CTNNA1: variants seen among roughly 807,000 people sequenced by gnomAD.
CTNNA1 encodes catenin alpha 1.
CTNNA1 carries 37 observed loss-of-function variants against 98.4 expected under a neutral mutation model. The ratio of observed to expected loss-of-function variants is 0.38; its 90% CI spans 0.29 to 0.49. CTNNA1 has a LOEUF of 0.49. Ranked by LOEUF, CTNNA1 falls within the 20% of genes least tolerant of loss-of-function variation. The probability of loss-of-function intolerance (pLI) is 0.95; values close to 1 mark genes in which losing one functional copy is unlikely to be tolerated. For synonymous variants in CTNNA1, 404 were observed against 413.2 expected, an observed-to-expected ratio of 0.98 and a Z score of 0.27; for missense variants, 761 against 1,147.2, an observed-to-expected ratio of 0.66 and a Z score of 4.86.
chr5:138,810,733 C>T (rs915942775), intron 4 of CTNNA1, among the ~76,000 whole-genome samples: 2 of 152,184 alleles, frequency 1.3e-5, no homozygotes, highest in African/African-American at 2.4e-5. Flanking sequence ...CAATCTTTTC[C>T]CCACCTTTCC....
At chr5:138,932,481 A>G in intron 16 of CTNNA1, 97 bp from the exon 17 acceptor site, 1 of 1,523,658 alleles carries the variant, frequency 6.6e-7, no homozygotes, top group Non-Finnish European at 8.8e-7. Context: ...GAGAGGAAGC[A>G]TGTGAGTGCC....
intron 7 of CTNNA1, among the ~76,000 whole-genome samples, chr5:138,844,611 A>G (rs1762543766): frequency 6.6e-6 from 1 of 152,188 alleles, no homozygotes; most frequent in Admixed American, 6.5e-5. Context: ...GTTTGACTCT[A>G]AATCTACCAT....
At chr5:138,882,643 A>G (rs912931957) in intron 7 of CTNNA1, among the ~76,000 whole-genome samples, 2 of 152,220 alleles carry the variant, frequency 1.3e-5, no homozygotes, top group Admixed American at 6.5e-5. Flanking sequence ...TGCCAGGAAC[A>G]TATTTCATCC....
intron 1 of CTNNA1, among the ~76,000 whole-genome samples, chr5:138,765,413 C>T (rs1000933650): frequency 6.6e-6 from 1 of 152,046 alleles, no homozygotes; most frequent in Non-Finnish European, 1.5e-5. Context: ...AACTCCTGAC[C>T]TCAAGTGATC....
At chr5:138,857,487 A>AT (rs1561600356) in intron 7 of CTNNA1, among the ~76,000 whole-genome samples, 21 of 151,314 alleles carry the variant, frequency 1.4e-4, no homozygotes, top group African/African-American at 4.9e-4. Flanking sequence ...TAAAAAAAAA[A>AT]ATTTTTTTAA....
chr5:138,789,859 C>T (rs930530571), intron 3 of CTNNA1, among the ~76,000 whole-genome samples: 11 of 152,218 alleles, frequency 7.2e-5, no homozygotes, highest in African/African-American at 2.2e-4. Flanking sequence ...TATCAAGTGA[C>T]ACAGGACTCA....
At chr5:138,905,915 A>C (rs1400277032) in intron 10 of CTNNA1, among the ~76,000 whole-genome samples, 5 of 152,274 alleles carry the variant, frequency 3.3e-5, no homozygotes, top group Admixed American at 1.3e-4. Flanking sequence ...CCTCAAATAA[A>C]GGAGAGTAAG....
intron 1 of CTNNA1, among the ~76,000 whole-genome samples, chr5:138,758,020 T>C (rs751954961): frequency 2.0e-5 from 3 of 152,022 alleles, no homozygotes; most frequent in Non-Finnish European, 4.4e-5. Flanking sequence ...TTTCTTTTTT[T>C]TTTGAGATGG....
In CTNNA1 at chr5:138,909,717, C is replaced by T. The variant is rs1760121689; in HGVS notation, c.1389+5276C>T. The stretch of plus-strand genomic sequence containing the variant: ...ATTGTTCATTCTTCCTTCTGCCTCC[C>T]TAGATTTATCTTCCATATTGCTTCT... On this transcript the variant is annotated intron_variant, in intron 10 of 17. Coordinates refer to ENST00000302763, the MANE Select transcript of CTNNA1 (RefSeq NM_001903.5). Among the ~76,000 whole-genome samples, 3 of 152,238 alleles carry T rather than the reference C, an allele frequency of 2.0e-5. No individual in the cohort carries two copies. In the South Asian group the frequency reaches 6.2e-4, roughly 32 times the overall value.
At chr5:138,861,257 G>T (rs1309139385) in intron 7 of CTNNA1, among the ~76,000 whole-genome samples, 1 of 152,272 alleles carries the variant, frequency 6.6e-6, no homozygotes, top group East Asian at 1.9e-4. Flanking sequence ...CTGACCTCAG[G>T]TGATTTGCCC....
chr5:138,847,384 C>G (rs558966164), intron 7 of CTNNA1, among the ~76,000 whole-genome samples: 4 of 152,058 alleles, frequency 2.6e-5, no homozygotes, highest in African/African-American at 9.7e-5. Flanking sequence ...AAGCTGGTCT[C>G]GAACTACTGG....
intron 1 of CTNNA1, among the ~76,000 whole-genome samples, chr5:138,767,235 A>G (rs186953805): frequency 1.1e-4 from 17 of 152,164 alleles, no homozygotes; most frequent in Non-Finnish European, 2.2e-4. Context: ...ACAGGGTTTC[A>G]CTGTGTTAGC....
At chr5:138,901,901 T>G (rs949825769) in intron 9 of CTNNA1, among the ~76,000 whole-genome samples, 4 of 152,186 alleles carry the variant, frequency 2.6e-5, no homozygotes, top group Non-Finnish European at 5.9e-5. Context: ...TGATGTTGCA[T>G]TTGCACATTT....
intron 1 of CTNNA1, among the ~76,000 whole-genome samples, chr5:138,767,581 C>G (rs1384921712): frequency 6.6e-6 from 1 of 152,190 alleles, no homozygotes; most frequent in Non-Finnish European, 1.5e-5. Flanking sequence ...CGTATTATAA[C>G]TCTTTTCCTG....
At chr5:138,783,496 G>T (rs1755363120) in intron 3 of CTNNA1, 124 bp downstream of exon 3, 1 of 752,942 alleles carries the variant, frequency 1.3e-6, no homozygotes, top group Non-Finnish European at 2.2e-6. Context: ...AACTTACTTA[G>T]TTATTGGAGA....
intron 7 of CTNNA1, chr5:138,880,770 C>T: frequency 3.4e-6 from 1 of 292,864 alleles, no homozygotes; most frequent in South Asian, 3.4e-5. Flanking sequence ...AAGAATCGTT[C>T]AATTTTAGTG....
intron 11 of CTNNA1, among the ~76,000 whole-genome samples, chr5:138,919,571 T>A (rs979684623): frequency 7.9e-5 from 12 of 152,236 alleles, no homozygotes; most frequent in African/African-American, 2.9e-4. Flanking sequence ...TTTTAACAGA[T>A]ACACTGTTGT....
In CTNNA1 at chr5:138,783,355, A is replaced by G. The variant is rs1755342562; in HGVS notation, c.284A>G (p.Glu95Gly). 6.2e-7 allele frequency: 1 copy of G among 1,613,534 alleles called. No homozygotes were observed. The highest frequency in any genetic ancestry group is 8.5e-7 in the Non-Finnish European group (1 of 1,179,590). The change falls in exon 3 of 18, where the codon GAA becomes GGA. Residue 95 changes from glutamate (E) to glycine (G), a missense_variant. Physicochemically the swap from Glu to Gly is moderately conservative, Grantham distance 98. Coordinates refer to ENST00000302763, the MANE Select transcript of CTNNA1 (RefSeq NM_001903.5). ...AAGGAGGAGCTTGTGGCTGCTGTAG[A>G]AGATGTTCGAAAACAAGGTAGGTCA... ...FLKEELVAAV[E>G]DVRKQGDLMK...
At chr5:138,924,417 C>G in intron 11 of CTNNA1, 93 bp from the exon 12 acceptor site, 1 of 1,290,162 alleles carries the variant, frequency 7.8e-7, no homozygotes, top group South Asian at 1.4e-5. Flanking sequence ...GTGGCTGGCA[C>G]CAAGCAAACA....
Sources: allele counts gnomAD v4.1 joint callset (sites outside exome capture counted in the v4.1 genomes callset), GRCh38; gene constraint gnomAD v4.1.1; transcripts MANE v1.5; gene names NCBI Gene and HGNC (gene_info 2026-07-23, HGNC 2026-07-21).